The following DCAF6 variants were observed in gnomAD, a reference collection of about 807,000 sequenced individuals.
DCAF6 encodes DDB1- and CUL4-associated factor 6.
DCAF6 carries 54 observed loss-of-function variants against 125.1 expected under a neutral mutation model. The observed-to-expected ratio is 0.43, with a 90% CI of 0.35 to 0.54. DCAF6 has a LOEUF of 0.54. Ranked by LOEUF, DCAF6 falls within the 20% of genes least tolerant of loss-of-function variation. The pLI is 0.01. For synonymous variants in DCAF6, 371 were observed against 390.4 expected (o/e 0.95, Z 0.58); for missense variants, 934 against 1,161.7 (o/e 0.80, Z 2.85).
At chr1:167,941,608 T>TA (rs1383607571) in intron 1 of DCAF6, among the ~76,000 whole-genome samples, 1 of 152,170 alleles carries the variant, frequency 6.6e-6, no homozygotes, top group East Asian at 1.9e-4. Context: ...GTTGAACTGG[T>TA]AGAGTACGCA....
the DCAF6 span, chr1:167,883,460 T>C: frequency 6.2e-7 from 1 of 1,614,232 alleles, no homozygotes; most frequent in East Asian, 2.2e-5. Context: ...AAGACTTTAT[T>C]GATTTGGCCT....
At chr1:167,904,072 C>A in the DCAF6 span, 1 of 571,700 alleles carries the variant, frequency 1.7e-6, no homozygotes, top group Non-Finnish European at 3.1e-6. Flanking sequence ...TGGAAGGCAG[C>A]GGGCCTCAGC....
chr1:167,919,765 G>C, the DCAF6 span, among the ~76,000 whole-genome samples: 5 of 151,956 alleles, frequency 3.3e-5, no homozygotes, highest in Admixed American at 3.3e-4. Context: ...CTAGTTAACT[G>C]GTTAACTTAT....
chr1:168,060,475 C>T (rs1047563256), intron 17 of DCAF6, among the ~76,000 whole-genome samples: 6 of 152,284 alleles, frequency 3.9e-5, no homozygotes, highest in African/African-American at 7.2e-5. Context: ...GGTGAGCCAC[C>T]GTGCCTGGCC....
In DCAF6 at chr1:168,071,361, T is replaced by C. The variant is rs372429514; in HGVS notation, c.2791+2898T>C. 2.1e-4 allele frequency among the ~76,000 whole-genome samples: 32 copies of C among 152,322 alleles called. No individual in the cohort carries two copies. The East Asian group carries it at 4.6e-3, about 22-fold the overall frequency. On this transcript the variant is annotated intron_variant, in intron 21 of 21. Coordinates refer to ENST00000367840, the MANE Select transcript of DCAF6 (RefSeq NM_001198956.2). The stretch of plus-strand genomic sequence containing the variant: ...GCTCACGCCTGTAATCTCAGCACTT[T>C]GGGAGGCTGAGGCAGGTGAATCACC...
chr1:168,061,603 T>A (rs1691605442), intron 17 of DCAF6, among the ~76,000 whole-genome samples: 1 of 152,216 alleles, frequency 6.6e-6, no homozygotes, highest in South Asian at 2.1e-4. Context: ...ACCTATTCTT[T>A]CTATATGAAC....
chr1:167,924,608 A>G, the DCAF6 span: 1 of 1,133,236 alleles, frequency 8.8e-7, no homozygotes, highest in East Asian at 2.7e-5. Context: ...AACAGCTGTC[A>G]CCAAATTTTA....
chr1:167,964,347 T>A (rs1407258960), intron 2 of DCAF6, among the ~76,000 whole-genome samples: 1 of 152,232 alleles, frequency 6.6e-6, no homozygotes, highest in African/African-American at 2.4e-5. Flanking sequence ...TGCTTTGTTT[T>A]GTTTCCGTTA....
intron 17 of DCAF6, among the ~76,000 whole-genome samples, chr1:168,059,013 CACTGTTTTTAG>C (rs1339414350): frequency 6.6e-6 from 1 of 151,572 alleles, no homozygotes; most frequent in African/African-American, 2.4e-5. Context: ...TGATTTTTTT[CACTGTTTTTAG>C]GCTGTTTTTT....
intron 12 of DCAF6, among the ~76,000 whole-genome samples, chr1:168,033,010 AT>A (rs201615768): frequency 0.035 from 5,207 of 147,076 alleles, 243 homozygotes; most frequent in African/African-American, 0.11. Flanking sequence ...AATACTCAGC[AT>A]TTTTTTTTTT....
chr1:167,871,512 A>G, the DCAF6 span, among the ~76,000 whole-genome samples: 1 of 152,248 alleles, frequency 6.6e-6, no homozygotes, highest in African/African-American at 2.4e-5. Context: ...TGAAATCTGA[A>G]ACCCTGCTGT....
chr1:168,012,079 A>C (rs1684374611), intron 10 of DCAF6, among the ~76,000 whole-genome samples: 1 of 152,244 alleles, frequency 6.6e-6, no homozygotes, highest in Non-Finnish European at 1.5e-5. Context: ...TCAGTGAAGA[A>C]GTGACCAGTC....
chr1:167,907,238 C>T, the DCAF6 span, among the ~76,000 whole-genome samples: 6 of 152,208 alleles, frequency 3.9e-5, no homozygotes, highest in African/African-American at 1.4e-4. Context: ...GATGAGGCTA[C>T]TCATGGATCC....
intron 6 of DCAF6, 35 bp from the exon 7 acceptor site, chr1:167,993,191 T>C: frequency 6.5e-7 from 1 of 1,541,344 alleles, no homozygotes; most frequent in Non-Finnish European, 8.8e-7. Context: ...TTTAAAACAT[T>C]ATTAATTTTA....
intron 1 of DCAF6, among the ~76,000 whole-genome samples, chr1:167,943,725 T>A (rs1431482578): frequency 6.6e-6 from 1 of 152,196 alleles, no homozygotes; most frequent in East Asian, 1.9e-4. Flanking sequence ...TGTGAACACG[T>A]TTGTTTAGAA....
rs572734037 is a variant in DCAF6, at chr1:168,042,604, A to C, written c.1728-421A>C. ...AAAGAACTGGCCAGGCTTTTGTTCA[A>C]ATACTAATTTTAAAGTAGCCTGGAA... On this transcript the variant is annotated intron_variant, in intron 13 of 21. Transcript: ENST00000367840. 8.4e-5 allele frequency: 13 copies of C among 154,736 alleles called. No homozygotes were observed. The South Asian group carries it at 2.6e-3, about 30-fold the overall frequency. The allele number at this position is 154,736 out of a possible 1,614,324, so 9.6% of individuals were successfully genotyped here. A position where few individuals can be genotyped will look rare whatever the true frequency, so the allele number is the denominator to read the frequency against.
chr1:167,961,061 C>T (rs1675513649), intron 2 of DCAF6, among the ~76,000 whole-genome samples: 1 of 152,120 alleles, frequency 6.6e-6, no homozygotes, highest in African/African-American at 2.4e-5. Context: ...ATACATATTT[C>T]ATTCAATTTA....
intron 16 of DCAF6, among the ~76,000 whole-genome samples, chr1:168,048,917 A>G (rs1019014525): frequency 1.3e-5 from 2 of 152,242 alleles, no homozygotes; most frequent in Non-Finnish European, 2.9e-5. Context: ...CCTGCTCTAT[A>G]GTAATCAGTG....
chr1:168,049,431 GTTTTTTTT>G (rs11369573), intron 16 of DCAF6, among the ~76,000 whole-genome samples: 8 of 101,214 alleles, frequency 7.9e-5, no homozygotes, highest in African/African-American at 3.3e-4. Context: ...TGTTGTTGTT[GTTTTTTTT>G]TTTTTTTTTT....
Sources: gnomAD v4.1 joint callset for allele counts (sites outside exome capture counted in the v4.1 genomes callset) on GRCh38, gnomAD v4.1.1 for gene constraint, MANE v1.5 for transcripts, NCBI Gene and HGNC (gene_info 2026-07-23, HGNC 2026-07-21) for gene names.